The following MACROD2 variants were observed in gnomAD, a reference collection of about 807,000 sequenced individuals.
MACROD2 encodes the protein mono-ADP ribosylhydrolase 2.
In MACROD2, 36 loss-of-function variants were observed where a neutral mutation model predicts 70.4. The ratio of observed to expected loss-of-function variants is 0.51; its 90% CI spans 0.39 to 0.68. MACROD2 has a LOEUF of 0.68. Among genes scored for constraint, MACROD2 ranks in the 30% least tolerant of loss-of-function variants. The probability of loss-of-function intolerance (pLI) is 0.00; values close to 1 mark genes in which losing one functional copy is unlikely to be tolerated. For missense variants in MACROD2, 496 were observed against 538.4 expected (o/e 0.92, Z 0.78); for synonymous variants, 172 against 178.8 (o/e 0.96, Z 0.30).
chr20:15,348,522 C>T (rs1318554789), intron 6 of MACROD2, among the ~76,000 whole-genome samples: 2 of 152,124 alleles, frequency 1.3e-5, no homozygotes, highest in Non-Finnish European at 2.9e-5. Context: ...GTATATTAGT[C>T]TGTTCTCATG....
chr20:15,704,985 T>C (rs755283335), intron 8 of MACROD2, among the ~76,000 whole-genome samples: 2 of 152,136 alleles, frequency 1.3e-5, no homozygotes, highest in Non-Finnish European at 2.9e-5. Context: ...CTTTCTGGAG[T>C]AGTTGCTCAA....
At chr20:14,034,814 A>T (rs989357841) in intron 2 of MACROD2, among the ~76,000 whole-genome samples, 1 of 152,240 alleles carries the variant, frequency 6.6e-6, no homozygotes, top group African/African-American at 2.4e-5. Flanking sequence ...GTTTTTTCTT[A>T]GTGAACTAAG....
At chr20:14,223,307 A>G (rs2081698574) in intron 3 of MACROD2, 1 of 152,190 alleles carries the variant, frequency 6.6e-6, no homozygotes, top group South Asian at 2.1e-4. Context: ...ATCACACAGG[A>G]CAGAAAGTAC....
chr20:15,373,643 T>A (rs1207108553), intron 6 of MACROD2, among the ~76,000 whole-genome samples: 7 of 152,118 alleles, frequency 4.6e-5, no homozygotes, highest in Non-Finnish European at 8.8e-5. Context: ...CTTCAAGTGA[T>A]CCTCCTACCT....
chr20:14,610,326 A>G (rs566271711), intron 4 of MACROD2, among the ~76,000 whole-genome samples: 2 of 152,308 alleles, frequency 1.3e-5, no homozygotes, highest in South Asian at 2.1e-4. Flanking sequence ...AAGTTAAAGC[A>G]TAAAGTAGCA....
intron 5 of MACROD2, among the ~76,000 whole-genome samples, chr20:14,741,878 G>T (rs6042897): frequency 6.6e-6 from 1 of 151,776 alleles, no homozygotes; most frequent in Non-Finnish European, 1.5e-5. Flanking sequence ...ACTTTTTTTA[G>T]GCAAGAAAAA....
intron 2 of MACROD2, among the ~76,000 whole-genome samples, chr20:14,008,412 C>A (rs932898153): frequency 2.6e-5 from 4 of 152,116 alleles, no homozygotes; most frequent in African/African-American, 9.7e-5. Flanking sequence ...ATGTGGCTAA[C>A]AAGGGAAGTG....
At chr20:14,163,463 G>C (rs1276929582) in intron 3 of MACROD2, among the ~76,000 whole-genome samples, 1 of 152,018 alleles carries the variant, frequency 6.6e-6, no homozygotes, top group African/African-American at 2.4e-5. Context: ...TTGGGGATCT[G>C]TGCACCTCCT....
intron 6 of MACROD2, among the ~76,000 whole-genome samples, chr20:15,239,767 G>T (rs2077044647): frequency 6.6e-6 from 1 of 152,192 alleles, no homozygotes; most frequent in South Asian, 2.1e-4. Flanking sequence ...GAGAAAGAAA[G>T]AAATAGGTTA....
intron 5 of MACROD2, among the ~76,000 whole-genome samples, chr20:14,970,260 G>A (rs1322080465): frequency 6.6e-6 from 1 of 151,980 alleles, no homozygotes; most frequent in African/African-American, 2.4e-5. Context: ...GGGATTATGG[G>A]AACTACAGTT....
intron 3 of MACROD2, among the ~76,000 whole-genome samples, chr20:14,105,147 A>C (rs2054352124): frequency 6.6e-6 from 1 of 152,198 alleles, no homozygotes; most frequent in South Asian, 2.1e-4. Flanking sequence ...AGGAATACAA[A>C]ATTTTAACAA....
chr20:14,452,737 C>A (rs925761580), intron 3 of MACROD2, among the ~76,000 whole-genome samples: 1 of 152,126 alleles, frequency 6.6e-6, no homozygotes, highest in African/African-American at 2.4e-5. Flanking sequence ...TATTGTGAAT[C>A]CTTTGGTAAA....
chr20:15,946,378 AATT>A (rs1429616589), intron 12 of MACROD2, among the ~76,000 whole-genome samples: 1 of 152,024 alleles, frequency 6.6e-6, no homozygotes, highest in Non-Finnish European at 1.5e-5. Flanking sequence ...TTCCATCACA[AATT>A]ATCTGAGCAA....
intron 6 of MACROD2, among the ~76,000 whole-genome samples, chr20:15,405,591 C>T (rs1015936728): frequency 6.6e-6 from 1 of 152,144 alleles, no homozygotes; most frequent in Non-Finnish European, 1.5e-5. Flanking sequence ...CCAGTCTTGT[C>T]GCCTTCTCCA....
intron 8 of MACROD2, among the ~76,000 whole-genome samples, chr20:15,844,105 T>A (rs912198769): frequency 1.3e-5 from 2 of 151,936 alleles, no homozygotes; most frequent in African/African-American, 4.8e-5. Context: ...AAACTGTGAA[T>A]AGGAGCAGAA....
intron 8 of MACROD2, among the ~76,000 whole-genome samples, chr20:15,820,846 A>C (rs957614322): frequency 1.4e-4 from 22 of 152,196 alleles, no homozygotes; most frequent in African/African-American, 5.3e-4. Flanking sequence ...TGCTATATCA[A>C]CATGAGAAAT....
intron 5 of MACROD2, among the ~76,000 whole-genome samples, chr20:14,753,190 A>G (rs1286812842): frequency 6.6e-6 from 1 of 152,054 alleles, no homozygotes; most frequent in Non-Finnish European, 1.5e-5. Context: ...TTTTCTCAAG[A>G]CCACATGCCT....
At chr20:14,189,411 G>C (rs978928404) in intron 3 of MACROD2, among the ~76,000 whole-genome samples, 1 of 152,108 alleles carries the variant, frequency 6.6e-6, no homozygotes, top group African/African-American at 2.4e-5. Flanking sequence ...CATTTGTATA[G>C]TTATTTTAAA....
Position 14,123,542 on chromosome 20 carries a change from T to C in MACROD2, c.271+37814T>C, listed in dbSNP as rs143208407. ...ATCTTGCAGTGCGGCATACCATTAG[T>C]CTCCCTTGGACAAGAAAATATAAAG... On this transcript the variant is annotated intron_variant, in intron 3 of 17. Transcript: ENST00000684519. Among the ~76,000 whole-genome samples the C allele has an allele frequency of 3.2e-3, 482 of 152,176 alleles. 2 individuals are homozygous for C. The highest frequency in any genetic ancestry group is 0.011 in the African/African-American group (456 of 41,528).
Sources: gnomAD v4.1 joint callset for allele counts (sites outside exome capture counted in the v4.1 genomes callset) on GRCh38, gnomAD v4.1.1 for gene constraint, MANE v1.5 for transcripts, NCBI Gene and HGNC (gene_info 2026-07-23, HGNC 2026-07-21) for gene names.